Variants in TECTA observed in about 807,000 individuals in gnomAD.
TECTA encodes the protein alpha-tectorin.
In TECTA, 128 loss-of-function variants were observed where a neutral mutation model predicts 216.8. The ratio of observed to expected loss-of-function variants is 0.59; its 90% confidence interval spans 0.51 to 0.68. The LOEUF (loss-of-function observed/expected upper bound fraction) is 0.68. Ranked by LOEUF, TECTA falls within the 30% of genes least tolerant of loss-of-function variation. The pLI is 0.00. For synonymous variants in TECTA, 1,089 were observed against 1,117.1 expected, an observed-to-expected ratio of 0.97 and a Z score of 0.50; for missense variants, 2,551 against 2,786.2, an observed-to-expected ratio of 0.92 and a Z score of 1.90.
At chr11:121,189,646 T>A (rs1334025627) in intron 22 of TECTA, 118 bp from the exon 23 acceptor site, 1 of 949,938 alleles carries the variant, frequency 1.1e-6, no homozygotes, top group Non-Finnish European at 1.7e-6. Flanking sequence ...AGTGCTGGGA[T>A]TACAGGCGTG....
Position 121,182,848 on chromosome 11 carries a change from G to A in TECTA, c.6000-4984G>A, listed in dbSNP as rs114987846. On this transcript the variant is annotated intron_variant, in intron 20 of 23. Transcript: ENST00000392793. ...CCCAGATCCCTCGACAGGATACATG[G>A]GCACCAGTGGTGGTGGGTGGGGCAG... is the stretch of plus-strand genomic sequence containing the variant. Among the ~76,000 whole-genome samples, 1,241 of 152,144 alleles carry A rather than the reference G, an allele frequency of 8.2e-3. 24 individuals are homozygous for A. The highest frequency in any genetic ancestry group is 0.028 in the African/African-American group (1,180 of 41,500).
rs11218164 is a variant in TECTA, at chr11:121,155,449, T to C, written c.4305+2369T>C. ...CTGTTGGCACCCAGAATATGTTACA[T>C]AAGTCTGGAAGGAGAGTAGACTTAG... On this transcript the variant is annotated intron_variant, in intron 13 of 23. Coordinates refer to ENST00000392793, the MANE Select transcript of TECTA (RefSeq NM_005422.4). Among the ~76,000 whole-genome samples the C allele has an allele frequency of 7.0e-4, 106 of 152,326 alleles. 1 individual carries two copies. In the East Asian group the frequency reaches 0.014, roughly 20 times the overall value.
At position 121,118,637 on chromosome 11, in the gene TECTA, C is replaced by T. The variant is rs560630226; in HGVS notation, c.1122C>T (p.Ala374=). ...EAKNEHRRGS[A]VSWVKELSVE... ...AGAATGAACACCGCAGAGGTTCAGC[C>T]GTCTCCTGGGTGAAGGAGCTCTCAG... Residue 374 remains alanine, a synonymous_variant, in exon 7 of 24, where the codon GCC becomes GCT. Coordinates refer to ENST00000392793, the MANE Select transcript of TECTA (RefSeq NM_005422.4). 36 of 1,614,126 alleles carry T rather than the reference C, an allele frequency of 2.2e-5. 1 individual carries two copies. Among genetic ancestry groups the T allele is most frequent in the Middle Eastern group, 1.6e-4 (1 of 6,062 alleles).
chr11:121,108,895 TACAC>T (rs1439888434), intron 3 of TECTA, among the ~76,000 whole-genome samples: 1 of 151,926 alleles, frequency 6.6e-6, no homozygotes, highest in Admixed American at 6.6e-5. Context: ...AGTACACACA[TACAC>T]ACACACAGAA....
chr11:121,120,628 C>G (rs1243490884), intron 7 of TECTA, among the ~76,000 whole-genome samples: 2 of 152,202 alleles, frequency 1.3e-5, no homozygotes, highest in Admixed American at 6.5e-5. Flanking sequence ...GGATTAGGAG[C>G]TGGGTTCTGT....
Position 121,152,872 on chromosome 11 carries a change from T to C in TECTA, c.4106-9T>C. 6.3e-7 allele frequency: 1 copy of C among 1,596,238 alleles called. No homozygotes were observed. The highest frequency in any genetic ancestry group is 8.6e-7 in the Non-Finnish European group (1 of 1,166,198). ...TCGTGCGAGTCTTGACTTGTCTCTC[T>C]TGTTCCAGCTGTCACCTGCCCTCCA... On this transcript the variant is annotated splice_polypyrimidine_tract_variant and intron_variant, in intron 12 of 23. Coordinates refer to ENST00000392793, the MANE Select transcript of TECTA (RefSeq NM_005422.4).
chr11:121,121,795 G>A lies in TECTA; in HGVS notation c.1203+3077G>A, dbSNP rs75000231. On this transcript the variant is annotated intron_variant, in intron 7 of 23. Transcript: ENST00000392793. ...TTGTCCCTTGCTAGCAGGAGCTTAA[G>A]TAAGAGCAGAGGAGCCCATTCAGCA... 3.9e-5 allele frequency among the ~76,000 whole-genome samples: 6 copies of A among 152,282 alleles called. No homozygotes were observed. In the East Asian group the frequency reaches 1.2e-3, roughly 29 times the overall value.
intron 21 of TECTA, 90 bp from the exon 22 acceptor site, chr11:121,188,990 G>A (rs1947314641): frequency 7.5e-7 from 1 of 1,339,620 alleles, no homozygotes; most frequent in Non-Finnish European, 1.1e-6. Flanking sequence ...TGAGGCCAGA[G>A]CCACTGCCTC....
chr11:121,177,580 C>T (rs1048146075), intron 20 of TECTA, among the ~76,000 whole-genome samples: 37 of 152,210 alleles, frequency 2.4e-4, no homozygotes, highest in Non-Finnish European at 4.7e-4. Context: ...TGTCAGTCTG[C>T]CCCTACTGGA....
Position 121,137,701 on chromosome 11 carries a change from C to G in TECTA, c.3222C>G (p.Thr1074=), listed in dbSNP as rs186701090. ...SGTDNRVHCE[T]IPCKDDEYCM... is the part of the protein sequence containing the mutation. The stretch of plus-strand genomic sequence containing the variant: ...CAGACAACAGGGTCCACTGCGAGAC[C>G]ATTCCCTGCAAGGATGATGAGTACT... The change falls in exon 11 of 24, where the codon ACC becomes ACG. Residue 1074 remains threonine, a synonymous_variant. Coordinates refer to ENST00000392793, the MANE Select transcript of TECTA (RefSeq NM_005422.4). 6.2e-7 allele frequency: 1 copy of G among 1,614,148 alleles called. No individual in the cohort carries two copies. Among genetic ancestry groups the G allele is most frequent in the East Asian group, 2.2e-5 (1 of 44,858 alleles).
chr11:121,158,630 C>T (rs1478292546), intron 14 of TECTA, among the ~76,000 whole-genome samples: 1 of 152,192 alleles, frequency 6.6e-6, no homozygotes, highest in Non-Finnish European at 1.5e-5. Flanking sequence ...TCTTTGCCAT[C>T]CTTTCTATAA....
chr11:121,120,773 A>T (rs1293422886), intron 7 of TECTA, among the ~76,000 whole-genome samples: 2 of 152,232 alleles, frequency 1.3e-5, no homozygotes, highest in Non-Finnish European at 2.9e-5. Context: ...AGCTAATACC[A>T]GTTCTCATCT....
At chr11:121,114,949 CCACCCACCCATT>C in intron 6 of TECTA, among the ~76,000 whole-genome samples, 1 of 42,670 alleles carries the variant, frequency 2.3e-5, no homozygotes. Context: ...ATCCACCTAC[CCACCCACCCATT>C]CACCCACCCA....
chr11:121,166,447 A>G (rs911235293), intron 17 of TECTA, 131 bp from the exon 18 acceptor site: 24 of 883,360 alleles, frequency 2.7e-5, no homozygotes, highest in African/African-American at 3.3e-5. Context: ...AAGCATAATT[A>G]GAAATGCTGC....
At chr11:121,137,038 C>G (rs528748880) in intron 10 of TECTA, among the ~76,000 whole-genome samples, 1 of 152,282 alleles carries the variant, frequency 6.6e-6, no homozygotes, top group African/African-American at 2.4e-5. Context: ...TTGGATCTCC[C>G]AAATGAGGAT....
chr11:121,118,461 G>T lies in TECTA; in HGVS notation c.946G>T (p.Ala316Ser), dbSNP rs779615610. The change falls in exon 7 of 24, where the codon GCT becomes TCT. Residue 316 changes from alanine to serine, a missense_variant. By Grantham distance (99) the Ala-to-Ser change is moderately conservative. Around this residue, in one of 3 missense-constraint regions of TECTA, gnomAD observed 2,375 missense variants for 2,563.9 expected, o/e 0.93. Transcript: ENST00000392793. ...EPKGKFFYCS[A>S]VETSTCVVFG... ...CAAAGGCAAATTCTTCTACTGCAGC[G>T]CTGTGGAGACCAGCACATGCGTGGT... 6.2e-6 allele frequency: 10 copies of T among 1,614,086 alleles called. No homozygotes were observed. Among genetic ancestry groups the T allele is most frequent in the Admixed American group, 1.7e-5 (1 of 60,014 alleles).
In TECTA at chr11:121,166,770, A is replaced by G. The variant is rs1947057742; in HGVS notation, c.5576A>G (p.Asn1859Ser). ...QINNTKGNCG[N>S]IVQSNGTHIM... Reference sequence around the variant, plus strand: ...AACAACACCAAAGGGAATTGTGGAAACATTGTGCAGGTGAGAAAAGCAGCA... The same window carrying G: ...AACAACACCAAAGGGAATTGTGGAAGCATTGTGCAGGTGAGAAAAGCAGCA... Residue 1859 changes from asparagine (N) to serine (S), a missense_variant, in exon 18 of 24, where the codon AAC becomes AGC. Physicochemically the swap from Asn to Ser is conservative, Grantham distance 46. Transcript: ENST00000392793. 6.2e-7 allele frequency: 1 copy of G among 1,614,066 alleles called. No individual in the cohort carries two copies. Among genetic ancestry groups the G allele is most frequent in the Non-Finnish European group, 8.5e-7 (1 of 1,180,022 alleles).
chr11:121,107,133 A>T (rs1357412775), intron 3 of TECTA, among the ~76,000 whole-genome samples: 1 of 152,180 alleles, frequency 6.6e-6, no homozygotes, highest in African/African-American at 2.4e-5. Flanking sequence ...TACTCTATTC[A>T]CGGCAGGGCC....
chr11:121,144,730 C>T (rs992383031), intron 11 of TECTA, among the ~76,000 whole-genome samples: 7 of 152,134 alleles, frequency 4.6e-5, no homozygotes, highest in African/African-American at 1.7e-4. Context: ...TCAAGTGCCC[C>T]CTCCATGGGA....
Sources: allele counts gnomAD v4.1 joint callset (sites outside exome capture counted in the v4.1 genomes callset), GRCh38; gene constraint gnomAD v4.1.1; regional missense constraint gnomAD v4.1.1; transcripts MANE v1.5; gene names NCBI Gene and HGNC (gene_info 2026-07-23, HGNC 2026-07-21).